MRPL2: variants seen among roughly 807,000 people sequenced by gnomAD.
The protein encoded by MRPL2 is large ribosomal subunit protein uL2m.
Under a neutral mutation model 34.6 loss-of-function variants are expected in MRPL2, and 27 were observed. The ratio of observed to expected loss-of-function variants is 0.78; its 90% CI spans 0.58 to 1.08. MRPL2 has a LOEUF of 1.08. Among genes scored for constraint, MRPL2 ranks in the 50% least tolerant of loss-of-function variants. MRPL2 has a pLI of 0.00. For missense variants in MRPL2, 414 were observed against 419.3 expected (o/e 0.99, Z 0.11); for synonymous variants, 155 against 158.0 (o/e 0.98, Z 0.14).
chr6:43,054,243 G>A lies in MRPL2; in HGVS notation c.*31C>T, dbSNP rs768062506. On this transcript the variant is annotated 3_prime_UTR_variant, in exon 7 of 7. Coordinates refer to ENST00000388752, the MANE Select transcript of MRPL2 (RefSeq NM_015950.5). ...ACCACAGTAACAGATTAAAACGGGG[G>A]GGGGGGGCATTTTATTAGAGTACAG... 7 of 1,389,546 alleles carry A rather than the reference G, an allele frequency of 5.0e-6. No homozygotes were observed. The highest frequency in any genetic ancestry group is 2.2e-5 in the Admixed American group (1 of 45,560). The allele number at this position is 1,389,546 out of a possible 1,614,324, so 86.1% of individuals were successfully genotyped here.
rs75475318 is a variant in MRPL2 at position 43,055,684 on chromosome 6, G to T, written c.632-66C>A. The T allele has an allele frequency of 1.6e-3, 2,466 of 1,561,324 alleles. 28 individuals are homozygous for T. In the African/African-American group the frequency reaches 0.028, roughly 18 times the overall value. ...GGGGTGCAGAGGGACTTACACAGGG[G>T]ACATACCCCACATGCTGCCCTTGCT... is the stretch of plus-strand genomic sequence containing the variant. On this transcript the variant is annotated intron_variant, in intron 5 of 6. Transcript: ENST00000388752.
Position 43,054,334 on chromosome 6 carries a change from AATC to A in MRPL2, c.855_857del (p.Lys285_Ile286delinsAsn). The A allele has an allele frequency of 6.2e-7, 1 of 1,613,836 alleles. No homozygotes were observed. The highest frequency in any genetic ancestry group is 8.5e-7 in the Non-Finnish European group (1 of 1,179,968). ...AACTCTTCATGGGGGGTAGTGGCCG[AATC>A]TTTCGGCCAGCCCAGCCCCCCTTGC... On this transcript the variant is annotated inframe_deletion, in exon 7 of 7. Coordinates refer to ENST00000388752, the MANE Select transcript of MRPL2 (RefSeq NM_015950.5).
chr6:43,058,180 G>A lies in MRPL2; in HGVS notation c.150C>T (p.Cys50=). The part of the protein sequence containing the change: ...QQPSALMLLP[C]RPVLTSVALN... ...GGGCCACAGAAGTAAGAACTGGGCG[G>A]CAGGGGAGCAACATCAAGGCAGAGG... The change falls in exon 2 of 7, where the codon TGC becomes TGT. Residue 50 remains cysteine, a synonymous_variant. Transcript: ENST00000388752. 6.2e-7 allele frequency: 1 copy of A among 1,614,222 alleles called. No individual in the cohort carries two copies. The highest frequency in any genetic ancestry group is 8.5e-7 in the Non-Finnish European group (1 of 1,180,046).
rs751522499 is a variant in MRPL2 at position 43,056,161 on chromosome 6, C to T, written c.440G>A (p.Arg147Gln). 2.3e-5 allele frequency: 37 copies of T among 1,614,040 alleles called. No individual in the cohort carries two copies. Among genetic ancestry groups the T allele is most frequent in the African/African-American group, 5.3e-5 (4 of 74,890 alleles). ...TTCTGTGGCGATGATCCAGCGTTTC[C>T]GGCTGCCCCCAGCAACCAGAGCTAT... ...ADIALVAGGS[R>Q]KRWIIATENM... The change falls in exon 4 of 7, where the codon CGG (arginine) becomes CAG (glutamine). Residue 147 changes from arginine (R) to glutamine (Q), a missense_variant. Transcript: ENST00000388752.
Position 43,054,174 on chromosome 6 carries a change from AAAAAAAAACAACAAC to A in MRPL2, c.*85_*99del. 1.0e-6 allele frequency: 1 copy of A among 981,942 alleles called. No homozygotes were observed. Among genetic ancestry groups the A allele is most frequent in the South Asian group, 1.6e-5 (1 of 62,636 alleles). The allele number at this position is 981,942 out of a possible 1,614,324, so 60.8% of individuals were successfully genotyped here. On this transcript the variant is annotated 3_prime_UTR_variant, in exon 7 of 7. Coordinates refer to ENST00000388752, the MANE Select transcript of MRPL2 (RefSeq NM_015950.5). ...AGTCTGTACCATCCCCTCCCCCGCA[AAAAAAAAACAACAAC>A]AAAAAAAACAAAAAACACCCAAAAC...
chr6:43,055,635 A>T lies in MRPL2; in HGVS notation c.632-17T>A. The T allele has an allele frequency of 6.2e-7, 1 of 1,613,864 alleles. No homozygotes were observed. The highest frequency in any genetic ancestry group is 8.5e-7 in the Non-Finnish European group (1 of 1,179,944). ...CACACGTCCCTGGGGAAAGAAGCTGATTTGCCACCCTCCACAAAACAGGGG... is the reference window on the plus strand; with the variant it reads ...CACACGTCCCTGGGGAAAGAAGCTGTTTTGCCACCCTCCACAAAACAGGGG... On this transcript the variant is annotated splice_polypyrimidine_tract_variant and intron_variant, in intron 5 of 6. Transcript: ENST00000388752.
At chr6:43,059,439 G>T, upstream of MRPL2, 1 of 1,477,566 alleles carries the variant, frequency 6.8e-7, no homozygotes, top group Admixed American at 2.4e-5. Flanking sequence ...GACGTTGACT[G>T]TCCGGCGCCG....
upstream of MRPL2, chr6:43,059,773 T>G: frequency 8.4e-7 from 1 of 1,192,276 alleles, no homozygotes; most frequent in Non-Finnish European, 1.0e-6. Context: ...ACAAACCCCC[T>G]CCAACCAACC....
intron 2 of MRPL2, 120 bp from the exon 3 acceptor site, chr6:43,056,565 G>T: frequency 7.8e-7 from 1 of 1,288,208 alleles, no homozygotes. Context: ...AAGCAGAAAT[G>T]ATAAAAATTT....
rs907944911 is a variant in MRPL2, at chr6:43,057,754, C to A, written c.265+311G>T. 3 of 384,008 alleles carry A rather than the reference C, an allele frequency of 7.8e-6. No homozygotes were observed. In the South Asian group the frequency reaches 2.5e-4, roughly 32 times the overall value. 23.8% of individuals were successfully genotyped at this position (384,008 alleles called of 1,614,324 possible). ...TCGGCCTCCCAAAATGCTGGGATTA[C>A]AGTCGTGAGCCACCTTACCCAGCCT... On this transcript the variant is annotated intron_variant, in intron 2 of 6. Coordinates refer to ENST00000388752, the MANE Select transcript of MRPL2 (RefSeq NM_015950.5).
intron 6 of MRPL2, 35 bp from the exon 7 acceptor site, chr6:43,054,521 G>GT: frequency 6.4e-7 from 1 of 1,567,034 alleles, no homozygotes; most frequent in African/African-American, 1.4e-5. Context: ...TCTGTACAAT[G>GT]GGGGGGAAAG....
At chr6:43,057,504 C>G (rs1764909610) in intron 2 of MRPL2, 2 of 152,676 alleles carry the variant, frequency 1.3e-5, no homozygotes, top group African/African-American at 4.8e-5. Context: ...ACCATTACAC[C>G]TGGCTAATTT....
chr6:43,056,039 T>C (rs2150344866), intron 4 of MRPL2, 32 bp from the exon 5 acceptor site: 1 of 1,614,130 alleles, frequency 6.2e-7, no homozygotes, highest in Non-Finnish European at 8.5e-7. Context: ...GCTCTAGAAC[T>C]TTTGCTGCCT....
At chr6:43,058,635 A>C (rs929507911) in intron 1 of MRPL2, among the ~76,000 whole-genome samples, 4 of 152,216 alleles carry the variant, frequency 2.6e-5, no homozygotes, top group Admixed American at 2.6e-4. Flanking sequence ...ATTTCGGAGT[A>C]GGTTGATTTG....
At chr6:43,054,585 G>A (rs955621303) in intron 6 of MRPL2, 99 bp from the exon 7 acceptor site, 50 of 966,238 alleles carry the variant, frequency 5.2e-5, no homozygotes, top group Middle Eastern at 4.2e-4. Flanking sequence ...CTCAAGGAGA[G>A]AAGGGCGAGG....
At position 43,055,610 on chromosome 6, in the gene MRPL2, C is replaced by G; in HGVS notation, c.640G>C (p.Gly214Arg). The G allele has an allele frequency of 6.2e-7, 1 of 1,614,106 alleles. No homozygotes were observed. The highest frequency in any genetic ancestry group is 1.1e-5 in the South Asian group (1 of 91,084). ...AQYIRAAGTC[G>R]VLLRKVNGTA... Reference sequence around the variant, plus strand: ...CCATTCACCTTCCGCAGTAGCACACCACACGTCCCTGGGGAAAGAAGCTGA... The same window carrying G: ...CCATTCACCTTCCGCAGTAGCACACGACACGTCCCTGGGGAAAGAAGCTGA... Residue 214 changes from glycine (G) to arginine (R), a missense_variant, in exon 6 of 7, where the codon GGT (glycine) becomes CGT (arginine). Coordinates refer to ENST00000388752, the MANE Select transcript of MRPL2 (RefSeq NM_015950.5).
rs775573526 is a variant in MRPL2, at chr6:43,055,569, C to T, written c.681G>A (p.Gln227=). The part of the protein sequence containing the change: ...LRKVNGTAII[Q]LPSKRQMQVL... Reference sequence around the variant, plus strand: ...CCTGCATCTGCCTCTTAGAGGGCAGCTGGATAATGGCTGTGCCATTCACCT... The same window carrying T: ...CCTGCATCTGCCTCTTAGAGGGCAGTTGGATAATGGCTGTGCCATTCACCT... Residue 227 remains glutamine, a synonymous_variant, in exon 6 of 7, where the codon CAG becomes CAA. Coordinates refer to ENST00000388752, the MANE Select transcript of MRPL2 (RefSeq NM_015950.5). 7.4e-6 allele frequency: 12 copies of T among 1,614,098 alleles called. No homozygotes were observed. The highest frequency in any genetic ancestry group is 8.5e-6 in the Non-Finnish European group (10 of 1,180,030).
intron 5 of MRPL2, 21 bp downstream of exon 5, chr6:43,055,876 A>G (rs923721786): frequency 3.7e-6 from 6 of 1,600,426 alleles, no homozygotes; most frequent in African/African-American, 1.3e-5. Context: ...TATAGGACCC[A>G]GGCAACTCCT....
At chr6:43,059,032 G>A (rs1764987551) in intron 1 of MRPL2, 4 of 1,146,782 alleles carry the variant, frequency 3.5e-6, no homozygotes, top group East Asian at 2.6e-5. Context: ...ATAGGCACTC[G>A]AAACGTTATT....
Sources: gnomAD v4.1 joint callset for allele counts (sites outside exome capture counted in the v4.1 genomes callset) on GRCh38, gnomAD v4.1.1 for gene constraint, MANE v1.5 for transcripts, NCBI Gene and HGNC (gene_info 2026-07-23, HGNC 2026-07-21) for gene names.